Variants in ARHGAP15 observed in about 807,000 individuals in gnomAD.
ARHGAP15 encodes rho GTPase-activating protein 15.
In ARHGAP15, 51 loss-of-function variants were observed where a neutral mutation model predicts 63.7. The observed-to-expected ratio is 0.80, with a 90% confidence interval of 0.64 to 1.01. The LOEUF (loss-of-function observed/expected upper bound fraction) is 1.01. Among genes scored for constraint, ARHGAP15 ranks in the 50% least tolerant of loss-of-function variants. The probability of loss-of-function intolerance (pLI) is 0.00; values close to 1 mark genes in which losing one functional copy is unlikely to be tolerated. For missense variants in ARHGAP15, 560 were observed against 564.6 expected, an observed-to-expected ratio of 0.99 and a Z score of 0.08; for synonymous variants, 191 against 193.8, an observed-to-expected ratio of 0.99 and a Z score of 0.12.
intron 2 of ARHGAP15, among the ~76,000 whole-genome samples, chr2:143,197,305 T>G (rs1691917789): frequency 1.3e-5 from 2 of 152,012 alleles, no homozygotes; most frequent in South Asian, 4.1e-4. Flanking sequence ...GGACATCTAA[T>G]GTTTTAAGCT....
chr2:143,214,631 T>C (rs553917043), intron 3 of ARHGAP15, among the ~76,000 whole-genome samples: 25 of 152,274 alleles, frequency 1.6e-4, no homozygotes, highest in Admixed American at 2.6e-4. Flanking sequence ...GTGGAGAACA[T>C]GGTGAAGTAA....
At chr2:143,501,899 C>A (rs1229508188) in intron 9 of ARHGAP15, among the ~76,000 whole-genome samples, 2 of 152,164 alleles carry the variant, frequency 1.3e-5, no homozygotes, top group African/African-American at 4.8e-5. Flanking sequence ...GCCTAGGTTT[C>A]TCTACTACAG....
intron 6 of ARHGAP15, among the ~76,000 whole-genome samples, chr2:143,354,176 C>G (rs1685705461): frequency 6.6e-6 from 1 of 152,096 alleles, no homozygotes; most frequent in Admixed American, 6.6e-5. Flanking sequence ...TCAGAGGGAA[C>G]TGGTAAGCTC....
chr2:143,518,159 T>C (rs1342335151), intron 9 of ARHGAP15, among the ~76,000 whole-genome samples: 2 of 152,110 alleles, frequency 1.3e-5, no homozygotes, highest in African/African-American at 4.8e-5. Flanking sequence ...TTAAAAATGG[T>C]GGAAATGATC....
intron 1 of ARHGAP15, among the ~76,000 whole-genome samples, chr2:143,148,986 C>T (rs1011479097): frequency 1.3e-4 from 19 of 151,990 alleles, no homozygotes; most frequent in South Asian, 4.1e-4. Flanking sequence ...AAGTGTGACG[C>T]GAAGGTTGTG....
intron 11 of ARHGAP15, among the ~76,000 whole-genome samples, chr2:143,584,886 G>A (rs968356368): frequency 3.3e-5 from 5 of 152,114 alleles, no homozygotes; most frequent in African/African-American, 1.2e-4. Flanking sequence ...ACCAGTGGCA[G>A]GTAAAATTTC....
At chr2:143,560,633 AC>A (rs1260477591) in intron 11 of ARHGAP15, among the ~76,000 whole-genome samples, 1 of 151,664 alleles carries the variant, frequency 6.6e-6, no homozygotes, top group Non-Finnish European at 1.5e-5. Context: ...TTTCCTTTAC[AC>A]CCCGCCTCTT....
intron 8 of ARHGAP15, among the ~76,000 whole-genome samples, chr2:143,464,930 A>C (rs1188341695): frequency 6.6e-6 from 1 of 152,156 alleles, no homozygotes; most frequent in Non-Finnish European, 1.5e-5. Context: ...TTCACAATCA[A>C]ATATTTATTA....
At chr2:143,165,352 C>T (rs1690459025) in intron 2 of ARHGAP15, among the ~76,000 whole-genome samples, 1 of 152,102 alleles carries the variant, frequency 6.6e-6, no homozygotes, top group Non-Finnish European at 1.5e-5. Flanking sequence ...GACACTAAAC[C>T]TGCTTTCTTT....
At chr2:143,563,310 A>G (rs976805046) in intron 11 of ARHGAP15, among the ~76,000 whole-genome samples, 2 of 152,360 alleles carry the variant, frequency 1.3e-5, no homozygotes, top group Admixed American at 6.5e-5. Context: ...ATAGCATGAT[A>G]CCAAATATTT....
chr2:143,365,004 T>G (rs958464066), intron 6 of ARHGAP15, among the ~76,000 whole-genome samples: 12 of 148,458 alleles, frequency 8.1e-5, no homozygotes, highest in Non-Finnish European at 1.5e-4. Flanking sequence ...AGACTCTGTG[T>G]GGGAAATAAA....
At chr2:143,600,981 CATTGT>C (rs1171323081) in intron 11 of ARHGAP15, among the ~76,000 whole-genome samples, 2 of 152,058 alleles carry the variant, frequency 1.3e-5, no homozygotes, top group African/African-American at 2.4e-5. Context: ...TTTTAAAGTA[CATTGT>C]ATATGTCACA....
At chr2:143,225,179 A>G (rs886769360) in intron 4 of ARHGAP15, among the ~76,000 whole-genome samples, 1 of 152,152 alleles carries the variant, frequency 6.6e-6, no homozygotes, top group Non-Finnish European at 1.5e-5. Context: ...TTTATTCCGC[A>G]CTGGGCTTTG....
chr2:143,178,006 C>T (rs987311899), intron 2 of ARHGAP15, among the ~76,000 whole-genome samples: 7 of 152,118 alleles, frequency 4.6e-5, no homozygotes, highest in African/African-American at 1.7e-4. Flanking sequence ...TTGTAACCCA[C>T]ATTAACAAGG....
intron 11 of ARHGAP15, among the ~76,000 whole-genome samples, chr2:143,560,803 A>G (rs958263094): frequency 6.6e-6 from 1 of 152,198 alleles, no homozygotes; most frequent in African/African-American, 2.4e-5. Context: ...CTACTTTAAC[A>G]CGCTATTCTG....
intron 6 of ARHGAP15, among the ~76,000 whole-genome samples, chr2:143,393,045 T>C (rs1438225184): frequency 6.6e-6 from 1 of 152,162 alleles, no homozygotes; most frequent in Non-Finnish European, 1.5e-5. Flanking sequence ...CCCTCTTTTA[T>C]AAAATACATT....
At chr2:143,649,668 C>A (rs887995095) in intron 12 of ARHGAP15, among the ~76,000 whole-genome samples, 1 of 151,962 alleles carries the variant, frequency 6.6e-6, no homozygotes, top group Non-Finnish European at 1.5e-5. Flanking sequence ...TGCTCTCCAG[C>A]AGATGTAGTC....
chr2:143,212,293 A>G lies in ARHGAP15; in HGVS notation c.235-4091A>G, dbSNP rs573166982. The stretch of plus-strand genomic sequence containing the variant: ...GGTGCTATCTGGGTATCCCACTGCC[A>G]TTCATTCTTCTCATCTGTATCTCAG... On this transcript the variant is annotated intron_variant, in intron 3 of 13. Coordinates refer to ENST00000295095, the MANE Select transcript of ARHGAP15 (RefSeq NM_018460.4). Among the ~76,000 whole-genome samples, 10 of 152,326 alleles carry G rather than the reference A, an allele frequency of 6.6e-5. No homozygotes were observed. In the East Asian group the frequency reaches 1.9e-3, roughly 29 times the overall value.
intron 2 of ARHGAP15, among the ~76,000 whole-genome samples, chr2:143,195,700 C>T (rs1411215052): frequency 1.3e-5 from 2 of 152,124 alleles, no homozygotes; most frequent in Admixed American, 6.5e-5. Flanking sequence ...ATGGGAGGTA[C>T]GCCTCAGAAA....
Sources: allele counts gnomAD v4.1 joint callset (sites outside exome capture counted in the v4.1 genomes callset), GRCh38; gene constraint gnomAD v4.1.1; transcripts MANE v1.5; gene names NCBI Gene and HGNC (gene_info 2026-07-23, HGNC 2026-07-21).